The following ADD1 variants were observed in gnomAD, a reference collection of about 807,000 sequenced individuals.
The protein encoded by ADD1 is alpha-adducin.
Under a neutral mutation model 80.5 loss-of-function variants are expected in ADD1, and 24 were observed. That is an observed-to-expected ratio of 0.30 (90% CI 0.22 to 0.42). The LOEUF (loss-of-function observed/expected upper bound fraction) is 0.42. Ranked by LOEUF, ADD1 falls within the 10% of genes least tolerant of loss-of-function variation. The probability of loss-of-function intolerance (pLI) is 1.00; values close to 1 mark genes in which losing one functional copy is unlikely to be tolerated. For missense variants in ADD1, 948 were observed against 1,019.0 expected, an observed-to-expected ratio of 0.93 and a Z score of 0.95; for synonymous variants, 373 against 393.8, an observed-to-expected ratio of 0.95 and a Z score of 0.63.
In ADD1 at chr4:2,852,333, T is replaced by C. The variant is rs192860983; in HGVS notation, c.-21+8309T>C. On this transcript the variant is annotated intron_variant, in intron 1 of 15. Transcript: ENST00000683351. ...TTTTTTTCTTTTCTTTTCTTTCTTTTTTTTTTTTTTTGAAAGAGAGTCTCG... is the reference window on the plus strand; with the variant it reads ...TTTTTTTCTTTTCTTTTCTTTCTTTCTTTTTTTTTTTGAAAGAGAGTCTCG... Among the ~76,000 whole-genome samples the C allele has an allele frequency of 3.9e-3, 565 of 145,078 alleles. 13 individuals carry two copies. The highest frequency in any genetic ancestry group is 0.012 in the African/African-American group (475 of 39,028).
intron 1 of ADD1, among the ~76,000 whole-genome samples, chr4:2,847,441 C>T (rs16843452): frequency 0.17 from 25,230 of 151,714 alleles, 2,523 homozygotes; most frequent in East Asian, 0.47. Context: ...TAGGATTCTA[C>T]TCAACCTTCT....
intron 14 of ADD1, among the ~76,000 whole-genome samples, chr4:2,916,669 G>A (rs1739140276): frequency 6.6e-6 from 1 of 152,120 alleles, no homozygotes; most frequent in South Asian, 2.1e-4. Context: ...TATTTCTCCT[G>A]ATGCTATCCT....
chr4:2,860,561 C>T (rs1055537558), intron 1 of ADD1, among the ~76,000 whole-genome samples: 1 of 152,178 alleles, frequency 6.6e-6, no homozygotes, highest in African/African-American at 2.4e-5. Context: ...AATGTTAGAT[C>T]TGGAAATGTA....
chr4:2,866,271 A>G (rs866935192), intron 1 of ADD1, among the ~76,000 whole-genome samples: 1 of 152,180 alleles, frequency 6.6e-6, no homozygotes, highest in Non-Finnish European at 1.5e-5. Flanking sequence ...GGTTCAAGCA[A>G]TTCTCCTGCC....
chr4:2,927,696 C>T (rs1046369030), intron 15 of ADD1, among the ~76,000 whole-genome samples: 3 of 152,220 alleles, frequency 2.0e-5, no homozygotes, highest in Non-Finnish European at 4.4e-5. Context: ...GTTGACGTCA[C>T]ACAACGTGCT....
intron 1 of ADD1, among the ~76,000 whole-genome samples, chr4:2,868,778 C>T (rs903447286): frequency 6.6e-6 from 1 of 151,988 alleles, no homozygotes; most frequent in African/African-American, 2.4e-5. Flanking sequence ...TGAAAGTGGC[C>T]ATGGGAGAGG....
intron 2 of ADD1, 70 bp downstream of exon 2, chr4:2,876,180 T>G (rs980066842): frequency 3.5e-6 from 5 of 1,448,084 alleles, no homozygotes; most frequent in Non-Finnish European, 4.7e-6. Flanking sequence ...TCTTATGCCC[T>G]GTTGTATGAG....
rs1460582090 is a variant in ADD1 at position 2,898,542 on chromosome 4, G to A, written c.984+11G>A. ...GCCTGTGAGATCCAGGTAGGGGACA[G>A]CCATTCCAGTCACTCTGCAGTTTAT... On this transcript the variant is annotated intron_variant, in intron 8 of 15. Transcript: ENST00000683351. 3.7e-6 allele frequency: 6 copies of A among 1,608,068 alleles called. No individual in the cohort carries two copies. In the Admixed American group the frequency reaches 5.0e-5, roughly 13 times the overall value.
At chr4:2,873,253 A>G (rs1185662306) in intron 1 of ADD1, among the ~76,000 whole-genome samples, 2 of 152,288 alleles carry the variant, frequency 1.3e-5, no homozygotes, top group South Asian at 2.1e-4. Context: ...CGGCCTCCCA[A>G]AGTGCCAGGA....
At chr4:2,893,334 G>A (rs1207969808) in intron 4 of ADD1, among the ~76,000 whole-genome samples, 1 of 151,836 alleles carries the variant, frequency 6.6e-6, no homozygotes. Flanking sequence ...TTTTGGCCAG[G>A]CACAGTGGCT....
At chr4:2,927,348 G>C (rs562358372) in intron 15 of ADD1, among the ~76,000 whole-genome samples, 29 of 152,362 alleles carry the variant, frequency 1.9e-4, no homozygotes, top group African/African-American at 6.3e-4. Context: ...CAAAGGTAAA[G>C]CACTGAGAGT....
rs537609007 is a variant in ADD1, at chr4:2,856,905, GTTATTTT to G, written c.-21+12898_-21+12904del. On this transcript the variant is annotated intron_variant, in intron 1 of 15. Transcript: ENST00000683351. The stretch of plus-strand genomic sequence containing the variant: ...CACACCCAGCCAACGTTCTTATTCT[GTTATTTT>G]TTATTTTTTATTTTTTTTGAGATGG... Among the ~76,000 whole-genome samples, 976 of 148,978 alleles carry G rather than the reference GTTATTTT, an allele frequency of 6.6e-3. 10 individuals carry two copies. Among genetic ancestry groups the G allele is most frequent in the African/African-American group, 0.023 (912 of 40,428 alleles).
At chr4:2,895,119 A>G (rs1004596241) in intron 6 of ADD1, among the ~76,000 whole-genome samples, 7 of 151,938 alleles carry the variant, frequency 4.6e-5, no homozygotes, top group Non-Finnish European at 7.4e-5. Flanking sequence ...AAAATTAACC[A>G]GTGTGGTGCG....
chr4:2,927,622 G>GC (rs1176656360), intron 15 of ADD1, among the ~76,000 whole-genome samples: 1 of 152,218 alleles, frequency 6.6e-6, no homozygotes, highest in Admixed American at 6.5e-5. Flanking sequence ...CCCACTCCTT[G>GC]CCTTACAGGC....
chr4:2,905,693 A>G (rs770283427), intron 10 of ADD1: 18 of 155,528 alleles, frequency 1.2e-4, no homozygotes, highest in Admixed American at 7.5e-4. Context: ...GTAGACGGCC[A>G]TAGTGGCGAG....
intron 8 of ADD1, 40 bp downstream of exon 8, chr4:2,898,571 G>A (rs1735646996): frequency 6.4e-7 from 1 of 1,556,018 alleles, no homozygotes; most frequent in Non-Finnish European, 8.9e-7. Context: ...AGTTTATTTA[G>A]ATGTGTCTGG....
intron 9 of ADD1, among the ~76,000 whole-genome samples, chr4:2,903,096 A>C (rs562770198): frequency 3.9e-5 from 6 of 152,192 alleles, no homozygotes; most frequent in Admixed American, 6.5e-5. Flanking sequence ...GATGGCCCCC[A>C]AAAAAGAGCA....
chr4:2,876,154 T>C, intron 2 of ADD1, 44 bp downstream of exon 2: 3 of 1,564,754 alleles, frequency 1.9e-6, no homozygotes, highest in Non-Finnish European at 2.6e-6. Context: ...CATCTTTCCT[T>C]TTCTAATACT....
intron 6 of ADD1, among the ~76,000 whole-genome samples, chr4:2,897,690 A>G (rs1190123559): frequency 4.0e-5 from 6 of 151,598 alleles, no homozygotes; most frequent in Admixed American, 3.9e-4. Flanking sequence ...TGGCTAATTT[A>G]AAAATATTAT....
Sources: gnomAD v4.1 joint callset for allele counts (sites outside exome capture counted in the v4.1 genomes callset) on GRCh38, gnomAD v4.1.1 for gene constraint, MANE v1.5 for transcripts, NCBI Gene and HGNC (gene_info 2026-07-23, HGNC 2026-07-21) for gene names.